The following ADGRL3 variants were observed in gnomAD, a reference collection of about 807,000 sequenced individuals.
ADGRL3 encodes adhesion G protein-coupled receptor L3.
ADGRL3 carries 62 observed loss-of-function variants against 153.5 expected under a neutral mutation model. That is an observed-to-expected ratio of 0.40 (90% CI 0.33 to 0.50). ADGRL3 has a LOEUF of 0.50. ADGRL3 is among the 20% of genes least tolerant of loss of function. The probability of loss-of-function intolerance (pLI) is 0.47; values close to 1 mark genes in which losing one functional copy is unlikely to be tolerated. For synonymous variants in ADGRL3, 710 were observed against 672.5 expected (o/e 1.06, Z -0.86); for missense variants, 1,641 against 1,859.4 (o/e 0.88, Z 2.16).
intron 25 of ADGRL3, among the ~76,000 whole-genome samples, chr4:62,057,957 G>A (rs1374131261): frequency 6.6e-6 from 1 of 152,176 alleles, no homozygotes; most frequent in African/African-American, 2.4e-5. Flanking sequence ...GGGATTACAG[G>A]TGTGAGACAC....
At chr4:61,682,562 A>ATT (rs1435942815) in intron 6 of ADGRL3, among the ~76,000 whole-genome samples, 147 of 80,728 alleles carry the variant, frequency 1.8e-3, no homozygotes, top group South Asian at 9.7e-3. Flanking sequence ...TCTTTAAAAA[A>ATT]ATTTTTTTTT....
chr4:61,610,373 C>A (rs1175436478), intron 5 of ADGRL3, among the ~76,000 whole-genome samples: 1 of 152,108 alleles, frequency 6.6e-6, no homozygotes. Flanking sequence ...GGTATGTCAG[C>A]AACTACAGTT....
At chr4:61,596,594 G>A (rs1336517375) in intron 5 of ADGRL3, among the ~76,000 whole-genome samples, 1 of 152,086 alleles carries the variant, frequency 6.6e-6, no homozygotes, top group African/African-American at 2.4e-5. Context: ...AGCTTTAATT[G>A]ACTCATTGTT....
rs993189995 is a variant in ADGRL3 at position 61,972,315 on chromosome 4, T to A, written c.2806-7248T>A. The stretch of plus-strand genomic sequence containing the variant: ...GGTCTAAAGTTTAAGTCTTTAATCC[T>A]TCTTGAATTAATTTTTGTATAAGGT... On this transcript the variant is annotated intron_variant, in intron 17 of 26. Coordinates refer to ENST00000683033, the MANE Select transcript of ADGRL3 (RefSeq NM_001387552.1). Among the ~76,000 whole-genome samples, 14 of 152,238 alleles carry A rather than the reference T, an allele frequency of 9.2e-5. 1 individual carries two copies. The highest frequency in any genetic ancestry group is 4.1e-4 in the South Asian group (2 of 4,822).
At chr4:61,620,522 C>T (rs1158011282) in intron 5 of ADGRL3, among the ~76,000 whole-genome samples, 2 of 151,954 alleles carry the variant, frequency 1.3e-5, no homozygotes, top group East Asian at 3.9e-4. Context: ...AGCCGGGTAC[C>T]AGTGTCTCTT....
At chr4:61,790,385 C>A (rs924487954) in intron 8 of ADGRL3, among the ~76,000 whole-genome samples, 1 of 152,102 alleles carries the variant, frequency 6.6e-6, no homozygotes, top group Non-Finnish European at 1.5e-5. Context: ...CATCCCAAGA[C>A]CCCTAGTGGA....
intron 13 of ADGRL3, among the ~76,000 whole-genome samples, chr4:61,916,114 A>G (rs556133684): frequency 6.6e-6 from 1 of 152,280 alleles, no homozygotes; most frequent in South Asian, 2.1e-4. Context: ...AATTTTAACT[A>G]TCAGTTGTCA....
At chr4:61,598,780 T>A (rs559083662) in intron 5 of ADGRL3, among the ~76,000 whole-genome samples, 17 of 152,322 alleles carry the variant, frequency 1.1e-4, no homozygotes, top group African/African-American at 4.1e-4. Context: ...TTCAAAAAGC[T>A]TACTTTTTTC....
intron 11 of ADGRL3, among the ~76,000 whole-genome samples, chr4:61,898,524 T>C (rs1430617154): frequency 6.6e-6 from 1 of 151,844 alleles, no homozygotes; most frequent in Non-Finnish European, 1.5e-5. Context: ...CTTGAGGAGA[T>C]GGTGTCTGAT....
chr4:61,953,345 A>G (rs989517984), intron 17 of ADGRL3, among the ~76,000 whole-genome samples: 4 of 152,216 alleles, frequency 2.6e-5, no homozygotes, highest in African/African-American at 9.6e-5. Flanking sequence ...ATTGGCATCA[A>G]GCTGTGGTAT....
chr4:61,945,809 A>ACACACACTGGCCTGCGCC (rs1215797481), intron 15 of ADGRL3, among the ~76,000 whole-genome samples: 4 of 151,710 alleles, frequency 2.6e-5, no homozygotes, highest in African/African-American at 9.7e-5. Context: ...CACGGTGCGC[A>ACACACACTGGCCTGCGCC]CACACACTGG....
chr4:61,268,190 G>C (rs1267245909), intron 1 of ADGRL3, among the ~76,000 whole-genome samples: 1 of 151,464 alleles, frequency 6.6e-6, no homozygotes, highest in Non-Finnish European at 1.5e-5. Flanking sequence ...GGTAACTTGG[G>C]GGGAAATTTC....
At chr4:61,412,254 T>A (rs1199250395) in intron 2 of ADGRL3, among the ~76,000 whole-genome samples, 1 of 152,248 alleles carries the variant, frequency 6.6e-6, no homozygotes, top group East Asian at 1.9e-4. Context: ...ACTATTTTTT[T>A]AATAAATTTT....
At chr4:61,389,598 A>G (rs1264399334) in intron 2 of ADGRL3, among the ~76,000 whole-genome samples, 1 of 129,360 alleles carries the variant, frequency 7.7e-6, no homozygotes, top group Non-Finnish European at 1.8e-5. Flanking sequence ...CCTTTTTTTT[A>G]TAGAAAATTT....
At chr4:61,677,394 G>A in intron 6 of ADGRL3, 1 of 421,752 alleles carries the variant, frequency 2.4e-6, no homozygotes, top group South Asian at 1.8e-5. Flanking sequence ...AGAAGGAGTA[G>A]ACCAGAAAGA....
intron 8 of ADGRL3, among the ~76,000 whole-genome samples, chr4:61,755,445 C>A (rs940471877): frequency 1.3e-5 from 2 of 152,076 alleles, no homozygotes; most frequent in Non-Finnish European, 2.9e-5. Context: ...TCATATCCTT[C>A]GCCCACTTTT....
At chr4:61,547,942 C>T (rs2098721683) in intron 4 of ADGRL3, among the ~76,000 whole-genome samples, 1 of 151,928 alleles carries the variant, frequency 6.6e-6, no homozygotes. Context: ...TTAATAGTAG[C>T]CATTCTTACT....
At chr4:62,054,121 G>C (rs1331401815) in intron 25 of ADGRL3, among the ~76,000 whole-genome samples, 1 of 151,488 alleles carries the variant, frequency 6.6e-6, no homozygotes, top group East Asian at 1.9e-4. Context: ...TTTGCTAAGT[G>C]CCTTTGATTT....
At chr4:62,054,889 A>C (rs2151799898) in intron 25 of ADGRL3, among the ~76,000 whole-genome samples, 1 of 151,866 alleles carries the variant, frequency 6.6e-6, no homozygotes. Flanking sequence ...CTTTATAGTA[A>C]TAAGAAATGC....
Sources: gnomAD v4.1 joint callset for allele counts (sites outside exome capture counted in the v4.1 genomes callset) on GRCh38, gnomAD v4.1.1 for gene constraint, MANE v1.5 for transcripts, NCBI Gene and HGNC (gene_info 2026-07-23, HGNC 2026-07-21) for gene names.